The following LMNTD1 variants were observed in gnomAD, a reference collection of about 807,000 sequenced individuals.
The protein encoded by LMNTD1 is lamin tail domain-containing protein 1.
Under a neutral mutation model 50.9 loss-of-function variants are expected in LMNTD1, and 35 were observed. That is an observed-to-expected ratio of 0.69 (90% confidence interval 0.53 to 0.91). LMNTD1 has a LOEUF of 0.91. LMNTD1 is among the 40% of genes least tolerant of loss of function. LMNTD1 has a pLI of 0.00. For synonymous variants in LMNTD1, 153 were observed against 161.9 expected, an observed-to-expected ratio of 0.94 and a Z score of 0.42; for missense variants, 470 against 475.5, an observed-to-expected ratio of 0.99 and a Z score of 0.11.
At chr12:25,565,242 G>GT (rs913355542) in intron 1 of LMNTD1, among the ~76,000 whole-genome samples, 3 of 151,266 alleles carry the variant, frequency 2.0e-5, no homozygotes, top group African/African-American at 7.3e-5. Flanking sequence ...TTTTTTTGTG[G>GT]TCTTCTCTTT....
chr12:25,500,618 T>C (rs1939330886), intron 9 of LMNTD1, among the ~76,000 whole-genome samples: 1 of 152,218 alleles, frequency 6.6e-6, no homozygotes, highest in South Asian at 2.1e-4. Context: ...TCTGGTGATC[T>C]GTAACAAGAC....
At chr12:25,578,144 A>G (rs1945113936) in intron 1 of LMNTD1, among the ~76,000 whole-genome samples, 1 of 152,204 alleles carries the variant, frequency 6.6e-6, no homozygotes, top group Non-Finnish European at 1.5e-5. Flanking sequence ...ACACATGTGC[A>G]CACATGCACA....
intron 1 of LMNTD1, among the ~76,000 whole-genome samples, chr12:25,590,866 G>A (rs982986851): frequency 6.6e-6 from 1 of 152,136 alleles, no homozygotes; most frequent in East Asian, 1.9e-4. Flanking sequence ...CCTAATCCTG[G>A]AAAAATTCAT....
intron 9 of LMNTD1, among the ~76,000 whole-genome samples, chr12:25,499,580 T>C (rs1939262967): frequency 6.6e-6 from 1 of 152,150 alleles, no homozygotes; most frequent in Non-Finnish European, 1.5e-5. Context: ...TCAAAATTGT[T>C]TGGAGGCAGC....
intron 4 of LMNTD1, among the ~76,000 whole-genome samples, chr12:25,536,163 T>C (rs182521019): frequency 1.7e-4 from 26 of 152,232 alleles, no homozygotes; most frequent in Admixed American, 1.2e-3. Flanking sequence ...CTCTCAATAA[T>C]TGATACAACA....
intron 1 of LMNTD1, among the ~76,000 whole-genome samples, chr12:25,626,518 T>A (rs1946593623): frequency 6.6e-6 from 1 of 152,124 alleles, no homozygotes; most frequent in Non-Finnish European, 1.5e-5. Context: ...TTGTTATGAC[T>A]TTTTTTGTGA....
At chr12:25,589,350 A>G (rs1945629427) in intron 1 of LMNTD1, among the ~76,000 whole-genome samples, 1 of 152,230 alleles carries the variant, frequency 6.6e-6, no homozygotes, top group African/African-American at 2.4e-5. Context: ...TTATAGGCAC[A>G]CACATATATG....
At chr12:25,480,785 A>G (rs919519905) in intron 9 of LMNTD1, among the ~76,000 whole-genome samples, 2 of 152,210 alleles carry the variant, frequency 1.3e-5, no homozygotes, top group African/African-American at 4.8e-5. Context: ...AAATAATTTG[A>G]AATCCACAGA....
At chr12:25,590,480 G>A (rs749763852) in intron 1 of LMNTD1, among the ~76,000 whole-genome samples, 2 of 152,140 alleles carry the variant, frequency 1.3e-5, no homozygotes, top group African/African-American at 4.8e-5. Context: ...AGGCCACAAG[G>A]ACTGCAACTC....
chr12:25,577,470 T>C (rs1945077693), intron 1 of LMNTD1, among the ~76,000 whole-genome samples: 1 of 151,252 alleles, frequency 6.6e-6, no homozygotes, highest in African/African-American at 2.4e-5. Context: ...GGGAATTCAC[T>C]CATGATTTGG....
intron 1 of LMNTD1, among the ~76,000 whole-genome samples, chr12:25,612,047 T>C (rs562213865): frequency 8.5e-4 from 130 of 152,274 alleles, no homozygotes; most frequent in African/African-American, 3.0e-3. Context: ...TGTTTTACCA[T>C]CTTAGCCTTT....
At chr12:25,509,695 G>A (rs1427173324) in intron 8 of LMNTD1, among the ~76,000 whole-genome samples, 1 of 152,146 alleles carries the variant, frequency 6.6e-6, no homozygotes, top group Non-Finnish European at 1.5e-5. Context: ...GGTCCTGGTG[G>A]ATTAGTATAG....
chr12:25,492,206 A>G (rs895481316), intron 9 of LMNTD1, among the ~76,000 whole-genome samples: 2 of 152,244 alleles, frequency 1.3e-5, no homozygotes, highest in Admixed American at 6.5e-5. Flanking sequence ...TGGAATATCC[A>G]TCAAGTTTTT....
intron 4 of LMNTD1, among the ~76,000 whole-genome samples, chr12:25,545,925 T>C (rs1943399765): frequency 2.0e-5 from 3 of 151,652 alleles, no homozygotes; most frequent in African/African-American, 7.2e-5. Context: ...TCTTTTATTT[T>C]AGTCTTAATA....
At chr12:25,542,045 T>A (rs929751981) in intron 4 of LMNTD1, among the ~76,000 whole-genome samples, 1 of 151,266 alleles carries the variant, frequency 6.6e-6, no homozygotes, top group African/African-American at 2.4e-5. Flanking sequence ...CCAGTTAGAA[T>A]GGCAATCATT....
intron 9 of LMNTD1, among the ~76,000 whole-genome samples, chr12:25,494,870 T>A (rs538066843): frequency 6.6e-6 from 1 of 152,248 alleles, no homozygotes; most frequent in South Asian, 2.1e-4. Context: ...TAAGATCTAC[T>A]CTTTTAGCAA....
intron 8 of LMNTD1, among the ~76,000 whole-genome samples, chr12:25,508,024 T>C (rs934417124): frequency 6.6e-6 from 1 of 152,094 alleles, no homozygotes; most frequent in Non-Finnish European, 1.5e-5. Context: ...TTTTTTTTTT[T>C]AGATTTTCTT....
intron 1 of LMNTD1, among the ~76,000 whole-genome samples, chr12:25,646,470 T>A (rs11831970): frequency 0.039 from 5,899 of 152,222 alleles, 406 homozygotes; most frequent in African/African-American, 0.13. Flanking sequence ...ACTGCCAGTA[T>A]CCAACCTAGC....
At chr12:25,483,480 T>A (rs1420234084) in intron 9 of LMNTD1, among the ~76,000 whole-genome samples, 1 of 151,670 alleles carries the variant, frequency 6.6e-6, no homozygotes, top group African/African-American at 2.4e-5. Context: ...CATTTAAGAA[T>A]GAGTAGTTAG....
Sources: allele counts gnomAD v4.1 joint callset (sites outside exome capture counted in the v4.1 genomes callset), GRCh38; gene constraint gnomAD v4.1.1; transcripts MANE v1.5; gene names NCBI Gene and HGNC (gene_info 2026-07-23, HGNC 2026-07-21).